Variants in SPOP observed in about 807,000 individuals in gnomAD.
SPOP encodes the protein speckle type BTB/POZ protein.
A neutral mutation model predicts 45.6 loss-of-function variants in SPOP; 11 were observed. That is an observed-to-expected ratio of 0.24 (90% CI 0.15 to 0.40). SPOP has a LOEUF of 0.40. SPOP is among the 10% of genes least tolerant of loss of function. The probability of loss-of-function intolerance (pLI) is 1.00; values close to 1 mark genes in which losing one functional copy is unlikely to be tolerated. For synonymous variants in SPOP, 166 were observed against 166.3 expected, an observed-to-expected ratio of 1.00 and a Z score of 0.01; for missense variants, 152 against 465.6, an observed-to-expected ratio of 0.33 and a Z score of 6.20.
intron 1 of SPOP, among the ~76,000 whole-genome samples, chr17:49,672,948 A>G (rs941647682): frequency 1.4e-4 from 21 of 146,654 alleles, no homozygotes; most frequent in African/African-American, 4.5e-4. Context: ...CTCCATCTCG[A>G]AAAAAAAACA....
At chr17:49,658,831 C>T (rs372299960) in intron 1 of SPOP, among the ~76,000 whole-genome samples, 1 of 152,170 alleles carries the variant, frequency 6.6e-6, no homozygotes, top group East Asian at 1.9e-4. Context: ...CAAATGTCAA[C>T]GTCAAGGGCT....
In SPOP at chr17:49,647,297, G is replaced by A. The variant is rs114273517; in HGVS notation, c.-66-24421C>T. ...TGCACTCCAGCTTGGGCTACAGAGT[G>A]AGTGAGATGCCGTCTTAAAAAAAAA... On this transcript the variant is annotated intron_variant, in intron 1 of 9. Coordinates refer to ENST00000504102, the MANE Select transcript of SPOP (RefSeq NM_001007228.2). Among the ~76,000 whole-genome samples the A allele has an allele frequency of 6.0e-3, 743 of 123,448 alleles. 13 individuals are homozygous for A. The highest frequency in any genetic ancestry group is 0.022 in the African/African-American group (711 of 32,202). 81.0% of individuals were successfully genotyped at this position (123,448 alleles called of 152,430 possible).
chr17:49,639,090 C>A lies in SPOP; in HGVS notation c.-66-16214G>T, dbSNP rs547269151. Reference sequence around the variant, plus strand: ...GAGACACAGTGGTAAAAGAGACAGACAAGGTTCCCAACCCTCTGAGGATAG... The same window carrying A: ...GAGACACAGTGGTAAAAGAGACAGAAAAGGTTCCCAACCCTCTGAGGATAG... On this transcript the variant is annotated intron_variant, in intron 1 of 9. Transcript: ENST00000504102. Among the ~76,000 whole-genome samples, 4 of 152,328 alleles carry A rather than the reference C, an allele frequency of 2.6e-5. No individual in the cohort carries two copies. The South Asian group carries it at 6.2e-4, about 24-fold the overall frequency.
intron 6 of SPOP, among the ~76,000 whole-genome samples, chr17:49,608,786 A>T (rs1337665420): frequency 1.3e-5 from 2 of 152,200 alleles, no homozygotes; most frequent in Non-Finnish European, 2.9e-5. Context: ...AGATCCAACG[A>T]TTACCTAAGA....
chr17:49,668,816 A>C (rs991507197), intron 1 of SPOP, among the ~76,000 whole-genome samples: 1 of 142,486 alleles, frequency 7.0e-6, no homozygotes, highest in Non-Finnish European at 1.5e-5. Context: ...CACTCTTGTC[A>C]CCCAGACTGG....
At chr17:49,639,305 T>A (rs980563743) in intron 1 of SPOP, among the ~76,000 whole-genome samples, 1 of 152,138 alleles carries the variant, frequency 6.6e-6, no homozygotes, top group Non-Finnish European at 1.5e-5. Flanking sequence ...ACAGGGAGAC[T>A]ATCATACTGT....
chr17:49,603,496 A>T (rs1774915394), intron 8 of SPOP, among the ~76,000 whole-genome samples: 1 of 152,174 alleles, frequency 6.6e-6, no homozygotes, highest in Non-Finnish European at 1.5e-5. Context: ...AAACCTGCCT[A>T]ATGGCAGTAC....
chr17:49,612,513 T>A (rs1194060785), intron 5 of SPOP, among the ~76,000 whole-genome samples: 1 of 152,218 alleles, frequency 6.6e-6, no homozygotes, highest in African/African-American at 2.4e-5. Context: ...CTTCCCACTA[T>A]GGCTTCAGCA....
chr17:49,600,275 A>G lies in SPOP; in HGVS notation c.*103T>C. The stretch of plus-strand genomic sequence containing the variant: ...CAATGCAGTCTCTTCCCCTCACAAC[A>G]GAGTAAAAGCTCCACAGATTGCGCT... On this transcript the variant is annotated 3_prime_UTR_variant, in exon 10 of 10. Coordinates refer to ENST00000504102, the MANE Select transcript of SPOP (RefSeq NM_001007228.2). This position sits in a 1 kb window ranked among gnomAD's most constrained non-coding sequence, Gnocchi z 4.2. The G allele has an allele frequency of 2.7e-6, 4 of 1,483,940 alleles. No homozygotes were observed. The highest frequency in any genetic ancestry group is 3.7e-6 in the Non-Finnish European group (4 of 1,077,644). The allele number at this position is 1,483,940 out of a possible 1,614,324, so 91.9% of individuals were successfully genotyped here. A position where few individuals can be genotyped will look rare whatever the true frequency, so the allele number is the denominator to read the frequency against.
At chr17:49,648,612 A>G (rs1443366200) in intron 1 of SPOP, among the ~76,000 whole-genome samples, 3 of 152,148 alleles carry the variant, frequency 2.0e-5, no homozygotes, top group Admixed American at 6.5e-5. Context: ...GAATAATCAC[A>G]TGTGGTCCTG....
chr17:49,663,699 T>G (rs1426510761), intron 1 of SPOP, among the ~76,000 whole-genome samples: 8 of 152,348 alleles, frequency 5.3e-5, no homozygotes, highest in Non-Finnish European at 1.2e-4. Context: ...TTGAACTAGC[T>G]GCTTTTTCCA....
intron 1 of SPOP, among the ~76,000 whole-genome samples, chr17:49,653,597 T>C (rs188648419): frequency 7.9e-5 from 12 of 152,024 alleles, no homozygotes; most frequent in African/African-American, 2.2e-4. Context: ...GCTGTTTATT[T>C]TGATATTGTC....
chr17:49,613,876 T>A, intron 5 of SPOP, among the ~76,000 whole-genome samples: 1 of 152,242 alleles, frequency 6.6e-6, no homozygotes, highest in East Asian at 1.9e-4. Flanking sequence ...CTAAAGATTT[T>A]TTTTAATGCC....
At chr17:49,625,873 C>T (rs1040721457) in intron 1 of SPOP, among the ~76,000 whole-genome samples, 1 of 152,128 alleles carries the variant, frequency 6.6e-6, no homozygotes, top group Non-Finnish European at 1.5e-5. Flanking sequence ...ATGTAAGATG[C>T]TTCAAGTTTA....
At chr17:49,676,251 G>A (rs751540816) in intron 1 of SPOP, among the ~76,000 whole-genome samples, 2 of 152,068 alleles carry the variant, frequency 1.3e-5, no homozygotes, top group Non-Finnish European at 2.9e-5. Context: ...ACCTAAGGGT[G>A]GGGTAGTCTT....
intron 1 of SPOP, among the ~76,000 whole-genome samples, chr17:49,657,944 G>A (rs915950267): frequency 2.3e-4 from 34 of 148,880 alleles, no homozygotes; most frequent in African/African-American, 7.9e-4. Context: ...CTCATGATCC[G>A]CCCACCTCAG....
intron 5 of SPOP, among the ~76,000 whole-genome samples, chr17:49,615,387 G>C (rs922157046): frequency 6.6e-6 from 1 of 152,094 alleles, no homozygotes; most frequent in African/African-American, 2.4e-5. Flanking sequence ...TAAATAATTG[G>C]AGAAAAGGGT....
At chr17:49,608,033 A>G in intron 6 of SPOP, 104 bp from the exon 7 acceptor site, 2 of 937,884 alleles carry the variant, frequency 2.1e-6, no homozygotes, top group Non-Finnish European at 3.2e-6. Context: ...TCCTACTGCT[A>G]TAGGAAAGGT....
intron 6 of SPOP, among the ~76,000 whole-genome samples, chr17:49,610,675 T>C (rs2143187716): frequency 6.6e-6 from 1 of 152,326 alleles, no homozygotes; most frequent in East Asian, 1.9e-4. Context: ...CACAATTTCC[T>C]GTTAGGTCTT....
Sources: gnomAD v4.1 joint callset for allele counts (sites outside exome capture counted in the v4.1 genomes callset) on GRCh38, gnomAD v4.1.1 for gene constraint, Gnocchi (gnomAD v3.1) non-coding constraint, MANE v1.5 for transcripts, NCBI Gene and HGNC (gene_info 2026-07-23, HGNC 2026-07-21) for gene names.